NTNG1: variants seen among roughly 807,000 people sequenced by gnomAD.
The protein encoded by NTNG1 is netrin-G1.
In NTNG1, 16 loss-of-function variants were observed where a neutral mutation model predicts 54.0. The observed-to-expected ratio is 0.30, with a 90% CI of 0.20 to 0.45. The LOEUF is 0.45. NTNG1 is among the 20% of genes least tolerant of loss of function. The pLI is 1.00. For missense variants in NTNG1, 530 were observed against 678.7 expected, an observed-to-expected ratio of 0.78 and a Z score of 2.43; for synonymous variants, 255 against 263.1, an observed-to-expected ratio of 0.97 and a Z score of 0.30.
At chr1:107,278,330 A>G (rs1664612549) in intron 2 of NTNG1, among the ~76,000 whole-genome samples, 1 of 152,120 alleles carries the variant, frequency 6.6e-6, no homozygotes, top group African/African-American at 2.4e-5. Flanking sequence ...TATACTCTAC[A>G]CTCTACTAGG....
chr1:107,425,579 AT>A (rs1474235934), intron 5 of NTNG1, among the ~76,000 whole-genome samples: 1 of 152,126 alleles, frequency 6.6e-6, no homozygotes, highest in Non-Finnish European at 1.5e-5. Flanking sequence ...TTAATCAACC[AT>A]TGGTGGACAC....
intron 2 of NTNG1, among the ~76,000 whole-genome samples, chr1:107,313,036 G>A (rs2101842007): frequency 6.6e-6 from 1 of 152,156 alleles, no homozygotes; most frequent in Middle Eastern, 3.4e-3. Context: ...GGATCCTTTA[G>A]TAGCATATAA....
chr1:107,302,118 C>G (rs1666357198), intron 2 of NTNG1, among the ~76,000 whole-genome samples: 1 of 152,284 alleles, frequency 6.6e-6, no homozygotes, highest in Admixed American at 6.5e-5. Flanking sequence ...TACTCAGAAC[C>G]TAAGATCTTT....
At chr1:107,332,873 T>C (rs1188647686) in intron 3 of NTNG1, among the ~76,000 whole-genome samples, 1 of 152,010 alleles carries the variant, frequency 6.6e-6, no homozygotes, top group African/African-American at 2.4e-5. Context: ...TATTTCTACC[T>C]CCCTTTTATA....
At chr1:107,268,469 T>G (rs2101679609) in intron 2 of NTNG1, among the ~76,000 whole-genome samples, 1 of 148,890 alleles carries the variant, frequency 6.7e-6, no homozygotes, top group African/African-American at 2.5e-5. Flanking sequence ...CTCCTGATCT[T>G]GGCTGTCTCT....
Position 107,148,822 on chromosome 1 carries a change from G to A in NTNG1, c.229G>A (p.Glu77Lys). The change falls in exon 2 of 8, where the codon GAG (glutamate) becomes AAG (lysine). Residue 77 changes from glutamate to lysine, a missense_variant. Transcript: ENST00000370068. Reference sequence around the variant, plus strand: ...GGATATTACCTGTGGAGACCCTCCTGAGACGTTCTGTGCAATGGTGAGGTA... The same window carrying A: ...GGATATTACCTGTGGAGACCCTCCTAAGACGTTCTGTGCAATGGTGAGGTA... ...PPDITCGDPP[E>K]TFCAMGNPYM... is the part of the protein sequence containing the mutation. 1 of 1,613,566 alleles carries A rather than the reference G, an allele frequency of 6.2e-7. No individual in the cohort carries two copies. The highest frequency in any genetic ancestry group is 8.5e-7 in the Non-Finnish European group (1 of 1,179,594).
At chr1:107,441,843 A>G (rs620300) in intron 7 of NTNG1, among the ~76,000 whole-genome samples, 146,536 of 152,012 alleles carry the variant, frequency 0.96, 70,845 homozygotes, top group East Asian at 1. Flanking sequence ...ATATGCAATG[A>G]TAAAACATAT....
chr1:107,220,154 A>G (rs1247653669), intron 2 of NTNG1, among the ~76,000 whole-genome samples: 1 of 152,124 alleles, frequency 6.6e-6, no homozygotes, highest in East Asian at 1.9e-4. Flanking sequence ...AGGGAAGAGG[A>G]GGAAGGCCAG....
At chr1:107,207,030 A>T (rs974549213) in intron 2 of NTNG1, among the ~76,000 whole-genome samples, 1 of 152,202 alleles carries the variant, frequency 6.6e-6, no homozygotes, top group Non-Finnish European at 1.5e-5. Context: ...AGGAAAAAAA[A>T]TTAAGATTTT....
intron 7 of NTNG1, among the ~76,000 whole-genome samples, chr1:107,444,040 A>G (rs1676151066): frequency 6.6e-6 from 1 of 152,166 alleles, no homozygotes; most frequent in Admixed American, 6.6e-5. Flanking sequence ...GGCAATTTGT[A>G]GGCATTACAA....
intron 7 of NTNG1, among the ~76,000 whole-genome samples, chr1:107,438,201 G>A (rs946598232): frequency 1.3e-5 from 2 of 152,154 alleles, no homozygotes; most frequent in Non-Finnish European, 1.5e-5. Context: ...GCAGCAATGA[G>A]CTCTGGCAAT....
At chr1:107,241,994 C>G (rs200863605) in intron 2 of NTNG1, among the ~76,000 whole-genome samples, 1 of 152,094 alleles carries the variant, frequency 6.6e-6, no homozygotes, top group East Asian at 1.9e-4. Flanking sequence ...ATCTTTAGGC[C>G]GGGCATGGTG....
At chr1:107,341,778 A>G (rs1226443700) in intron 3 of NTNG1, among the ~76,000 whole-genome samples, 2 of 152,136 alleles carry the variant, frequency 1.3e-5, no homozygotes, top group African/African-American at 2.4e-5. Context: ...TTTCTTTTTC[A>G]TAGAATGCAA....
At chr1:107,424,296 T>A (rs1674748975) in intron 5 of NTNG1, among the ~76,000 whole-genome samples, 1 of 152,034 alleles carries the variant, frequency 6.6e-6, no homozygotes, top group Admixed American at 6.6e-5. Flanking sequence ...GTGCTTGGTG[T>A]GTTTGAAGAG....
intron 2 of NTNG1, among the ~76,000 whole-genome samples, chr1:107,294,085 A>T (rs946094900): frequency 1.3e-5 from 2 of 152,234 alleles, no homozygotes; most frequent in Admixed American, 1.3e-4. Context: ...ACCATCTGCC[A>T]CATAGCAAGT....
chr1:107,365,958 A>G (rs938754352), intron 3 of NTNG1, among the ~76,000 whole-genome samples: 1 of 152,210 alleles, frequency 6.6e-6, no homozygotes, highest in African/African-American at 2.4e-5. Context: ...TAAATGTACT[A>G]TATTCCCCAC....
intron 7 of NTNG1, among the ~76,000 whole-genome samples, chr1:107,441,536 T>A (rs1349445909): frequency 6.6e-6 from 1 of 152,152 alleles, no homozygotes; most frequent in Admixed American, 6.6e-5. Flanking sequence ...ACAGATCACA[T>A]CCTTTTCTGA....
chr1:107,414,777 C>A (rs1416142876), intron 5 of NTNG1, among the ~76,000 whole-genome samples: 1 of 152,126 alleles, frequency 6.6e-6, no homozygotes, highest in Admixed American at 6.6e-5. Context: ...TCTGTCTTGA[C>A]AACAATGAGT....
intron 2 of NTNG1, among the ~76,000 whole-genome samples, chr1:107,287,328 T>G (rs781105343): frequency 6.6e-6 from 1 of 152,230 alleles, no homozygotes; most frequent in Non-Finnish European, 1.5e-5. Flanking sequence ...AGTTCATCAC[T>G]ACTTTGTTGA....
Sources: allele counts gnomAD v4.1 joint callset (sites outside exome capture counted in the v4.1 genomes callset), GRCh38; gene constraint gnomAD v4.1.1; transcripts MANE v1.5; gene names NCBI Gene and HGNC (gene_info 2026-07-23, HGNC 2026-07-21).